The following S100A13 variants were observed in gnomAD, a reference collection of about 807,000 sequenced individuals.
The protein encoded by S100A13 is protein S100-A13.
Under a neutral mutation model 8.2 loss-of-function variants are expected in S100A13, and 6 were observed. The observed-to-expected ratio is 0.73, with a 90% CI of 0.40 to 1.44. The LOEUF (loss-of-function observed/expected upper bound fraction) is 1.44. S100A13 is among the 40% of genes most tolerant of loss of function. The pLI, the probability that S100A13 is intolerant of heterozygous loss-of-function variation, is 0.02. For synonymous variants in S100A13, 39 were observed against 45.9 expected (o/e 0.85, Z 0.61); for missense variants, 114 against 113.6 (o/e 1.00, Z -0.02).
chr1:153,628,471 G>A (rs1473277155), upstream of S100A13: 6 of 1,550,710 alleles, frequency 3.9e-6, no homozygotes, highest in South Asian at 7.1e-5. Flanking sequence ...TCCAGAACCT[G>A]CTCCCACCTC....
intron 2 of S100A13, among the ~76,000 whole-genome samples, chr1:153,620,464 A>G (rs1667170026): frequency 6.6e-6 from 1 of 151,756 alleles, no homozygotes. Context: ...ATCTAAAAAA[A>G]AAAAAAAAAA....
intron 2 of S100A13, among the ~76,000 whole-genome samples, chr1:153,623,884 A>C (rs999246479): frequency 3.3e-5 from 5 of 152,216 alleles, no homozygotes; most frequent in African/African-American, 1.2e-4. Context: ...CAGTGGATTT[A>C]ACTGGCAAGT....
At chr1:153,626,902 C>T (rs1218932184) in intron 1 of S100A13, 1 of 158,548 alleles carries the variant, frequency 6.3e-6, no homozygotes, top group African/African-American at 2.4e-5. Flanking sequence ...GGTGGCCCCT[C>T]TGTGGCGTGT....
chr1:153,630,479 T>A, upstream of S100A13: 1 of 1,610,220 alleles, frequency 6.2e-7, no homozygotes, highest in Non-Finnish European at 8.5e-7. Context: ...GGCCTGGTCC[T>A]CAGCTCACTT....
intron 2 of S100A13, among the ~76,000 whole-genome samples, chr1:153,621,691 AAG>A (rs1443113978): frequency 4.8e-5 from 7 of 146,290 alleles, no homozygotes; most frequent in Admixed American, 6.7e-5. Flanking sequence ...CAAAAAAAAA[AAG>A]AAAGAAAGAA....
intron 2 of S100A13, among the ~76,000 whole-genome samples, chr1:153,623,488 C>T (rs1667413421): frequency 6.6e-6 from 1 of 151,904 alleles, no homozygotes; most frequent in African/African-American, 2.4e-5. Context: ...TGGGTTCAAG[C>T]AATTTTCCTG....
chr1:153,622,566 C>G (rs1571283964), intron 2 of S100A13, among the ~76,000 whole-genome samples: 1 of 152,184 alleles, frequency 6.6e-6, no homozygotes. Flanking sequence ...AATCCCAACA[C>G]TTTGGGAGGC....
chr1:153,623,028 T>C (rs1667370023), intron 2 of S100A13, among the ~76,000 whole-genome samples: 1 of 151,794 alleles, frequency 6.6e-6, no homozygotes, highest in African/African-American at 2.4e-5. Flanking sequence ...AGGTAGAGGC[T>C]GCAGTGAACT....
At chr1:153,626,821 C>T (rs1667670117) in intron 1 of S100A13, 1 of 188,674 alleles carries the variant, frequency 5.3e-6, no homozygotes, top group Non-Finnish European at 1.1e-5. Context: ...GTGGTGATCC[C>T]TCGATCTGGA....
intron 2 of S100A13, among the ~76,000 whole-genome samples, chr1:153,621,163 T>G (rs1667220446): frequency 6.6e-6 from 1 of 151,500 alleles, no homozygotes; most frequent in African/African-American, 2.4e-5. Context: ...TACAGGATTT[T>G]TTTTTTTTTT....
chr1:153,630,714 G>A, upstream of S100A13: 2 of 1,598,098 alleles, frequency 1.3e-6, no homozygotes, highest in African/African-American at 1.3e-5. Context: ...TTGGGGGAAT[G>A]GGGTGGACAC....
upstream of S100A13, chr1:153,630,777 C>A: frequency 7.3e-7 from 1 of 1,362,222 alleles, no homozygotes; most frequent in Non-Finnish European, 9.9e-7. Context: ...TCTTTCTTTC[C>A]TTTCCCAGGC....
intron 2 of S100A13, among the ~76,000 whole-genome samples, chr1:153,624,706 A>G (rs1451152364): frequency 1.3e-5 from 2 of 152,198 alleles, no homozygotes; most frequent in Non-Finnish European, 2.9e-5. Context: ...TGGAAGGCCA[A>G]TGCAGGAGGA....
At chr1:153,631,245 G>A (rs960423493), upstream of S100A13, 13 of 558,968 alleles carry the variant, frequency 2.3e-5, no homozygotes, top group African/African-American at 7.5e-5. Context: ...CTCAGGATAC[G>A]GTAGAAAGTG....
chr1:153,630,325 G>C, upstream of S100A13: 2 of 700,246 alleles, frequency 2.9e-6, no homozygotes, highest in South Asian at 4.1e-5. Context: ...GAACAGGCCT[G>C]CACTTAGGTC....
chr1:153,626,700 AC>A, intron 1 of S100A13, 167 bp from the exon 2 acceptor site: 1 of 476,728 alleles, frequency 2.1e-6, no homozygotes. Context: ...AGACCAGGCA[AC>A]GGCATCTCAG....
At chr1:153,624,430 G>T (rs1337813229) in intron 2 of S100A13, among the ~76,000 whole-genome samples, 1 of 151,920 alleles carries the variant, frequency 6.6e-6, no homozygotes, top group Non-Finnish European at 1.5e-5. Context: ...GCAGGTGGCA[G>T]ATGATCTTCC....
chr1:153,628,335 C>T (rs1162695437), upstream of S100A13: 17 of 1,528,478 alleles, frequency 1.1e-5, no homozygotes, highest in Admixed American at 2.0e-5. Flanking sequence ...GCTCCTGGCC[C>T]CTTGCCCCAC....
At chr1:153,631,418 T>C, upstream of S100A13, 3 of 1,487,940 alleles carry the variant, frequency 2.0e-6, no homozygotes, top group South Asian at 2.4e-5. Flanking sequence ...TAGAATTAAA[T>C]TAGACAGTGC....
Sources: gnomAD v4.1 joint callset for allele counts (sites outside exome capture counted in the v4.1 genomes callset) on GRCh38, gnomAD v4.1.1 for gene constraint, MANE v1.5 for transcripts, NCBI Gene and HGNC (gene_info 2026-07-23, HGNC 2026-07-21) for gene names.